CAMKMT: variants seen among roughly 807,000 people sequenced by gnomAD.
CAMKMT encodes CaM KMT.
In CAMKMT, 53 loss-of-function variants were observed where a neutral mutation model predicts 48.0. That is an observed-to-expected ratio of 1.10 (90% CI 0.89 to 1.39). The LOEUF (loss-of-function observed/expected upper bound fraction) is 1.39. Among genes scored for constraint, CAMKMT ranks in the 40% most tolerant of loss-of-function variants. The pLI is 0.00. For synonymous variants in CAMKMT, 165 were observed against 152.3 expected, an observed-to-expected ratio of 1.08 and a Z score of -0.61; for missense variants, 428 against 402.7, an observed-to-expected ratio of 1.06 and a Z score of -0.54.
At chr2:44,704,389 G>T in intron 4 of CAMKMT, 46 bp downstream of exon 4, 3 of 1,250,824 alleles carry the variant, frequency 2.4e-6, no homozygotes, top group South Asian at 3.2e-5. Context: ...CACGGATATT[G>T]AATCAACATA....
chr2:44,757,018 C>G (rs1299223212), intron 9 of CAMKMT, among the ~76,000 whole-genome samples: 1 of 152,198 alleles, frequency 6.6e-6, no homozygotes, highest in East Asian at 1.9e-4. Context: ...CCTGCATTTC[C>G]TCACGTGTCA....
intron 3 of CAMKMT, among the ~76,000 whole-genome samples, chr2:44,652,473 TGACAACCCCTCTG>T (rs940770142): frequency 6.6e-6 from 1 of 152,190 alleles, no homozygotes; most frequent in African/African-American, 2.4e-5. Flanking sequence ...TAACCAGGGA[TGACAACCCCTCTG>T]GGGTCTCCAC....
At chr2:44,526,695 C>T (rs1180543776) in intron 3 of CAMKMT, among the ~76,000 whole-genome samples, 1 of 152,146 alleles carries the variant, frequency 6.6e-6, no homozygotes, top group East Asian at 1.9e-4. Flanking sequence ...ATGATGCCCA[C>T]CTACACTGGC....
intron 3 of CAMKMT, among the ~76,000 whole-genome samples, chr2:44,460,584 C>T (rs1441286484): frequency 6.6e-6 from 1 of 152,064 alleles, no homozygotes; most frequent in Non-Finnish European, 1.5e-5. Context: ...TTGTTGAGCA[C>T]CCATTTATTT....
At chr2:44,697,564 C>G (rs1677023998) in intron 3 of CAMKMT, among the ~76,000 whole-genome samples, 1 of 151,866 alleles carries the variant, frequency 6.6e-6, no homozygotes, top group Admixed American at 6.6e-5. Context: ...TTTATAAACT[C>G]CAGAGAAAAC....
At chr2:44,540,720 C>G (rs901365640) in intron 3 of CAMKMT, among the ~76,000 whole-genome samples, 1 of 152,204 alleles carries the variant, frequency 6.6e-6, no homozygotes, top group Non-Finnish European at 1.5e-5. Context: ...CACTGCACTC[C>G]AGCCTGGGCA....
chr2:44,362,215 G>T, intron 1 of CAMKMT, 70 bp downstream of exon 1: 1 of 1,316,762 alleles, frequency 7.6e-7, no homozygotes. Context: ...GGGAGCGACT[G>T]TTCGCAGTTC....
intron 3 of CAMKMT, among the ~76,000 whole-genome samples, chr2:44,584,911 C>T (rs773217716): frequency 4.1e-4 from 63 of 151,808 alleles, no homozygotes; most frequent in South Asian, 6.3e-4. Context: ...AAAAATTATC[C>T]GGGCGTGGTG....
chr2:44,708,137 C>T (rs555310914), intron 6 of CAMKMT, among the ~76,000 whole-genome samples: 3 of 145,792 alleles, frequency 2.1e-5, no homozygotes, highest in East Asian at 4.1e-4. Context: ...CTTTAGCAGT[C>T]GAGCTGATTT....
chr2:44,738,611 C>G (rs1010738432), intron 7 of CAMKMT, among the ~76,000 whole-genome samples: 3 of 152,150 alleles, frequency 2.0e-5, no homozygotes, highest in Non-Finnish European at 4.4e-5. Flanking sequence ...AGGGACTATT[C>G]TAGACATTGG....
intron 2 of CAMKMT, among the ~76,000 whole-genome samples, chr2:44,381,265 A>T (rs1680215484): frequency 6.6e-6 from 1 of 152,212 alleles, no homozygotes; most frequent in Non-Finnish European, 1.5e-5. Flanking sequence ...ACATGTACTT[A>T]ACTTCTATTA....
chr2:44,727,163 T>G (rs1366473772), intron 7 of CAMKMT, among the ~76,000 whole-genome samples: 1 of 152,178 alleles, frequency 6.6e-6, no homozygotes, highest in East Asian at 1.9e-4. Context: ...AAGAATGACA[T>G]TGGTAGTTTA....
chr2:44,450,921 A>G (rs1171455743), intron 3 of CAMKMT, among the ~76,000 whole-genome samples: 2 of 152,080 alleles, frequency 1.3e-5, no homozygotes, highest in African/African-American at 4.8e-5. Flanking sequence ...TGCTTTGCCT[A>G]TTGTTTTCCA....
At chr2:44,537,207 A>G (rs572945929) in intron 3 of CAMKMT, among the ~76,000 whole-genome samples, 2 of 152,312 alleles carry the variant, frequency 1.3e-5, no homozygotes, top group South Asian at 2.1e-4. Context: ...AAAGGAAACA[A>G]TCAACAGAAT....
intron 3 of CAMKMT, among the ~76,000 whole-genome samples, chr2:44,593,736 TG>T (rs1670461791): frequency 6.6e-6 from 1 of 150,800 alleles, no homozygotes; most frequent in African/African-American, 2.4e-5. Flanking sequence ...GAAGTCTCCC[TG>T]GGGAATTTTT....
chr2:44,682,706 G>C (rs1432752862), intron 3 of CAMKMT, among the ~76,000 whole-genome samples: 1 of 152,164 alleles, frequency 6.6e-6, no homozygotes, highest in African/African-American at 2.4e-5. Flanking sequence ...TCCTGTTCCT[G>C]AGTGCAGAGA....
At chr2:44,532,888 C>G (rs1053122233) in intron 3 of CAMKMT, among the ~76,000 whole-genome samples, 1 of 151,844 alleles carries the variant, frequency 6.6e-6, no homozygotes, top group Non-Finnish European at 1.5e-5. Context: ...TCACAGCTCA[C>G]TGCAACCTCC....
At chr2:44,367,729 G>A (rs1678753990) in intron 1 of CAMKMT, among the ~76,000 whole-genome samples, 1 of 152,208 alleles carries the variant, frequency 6.6e-6, no homozygotes, top group African/African-American at 2.4e-5. Context: ...TGAAGAGCCT[G>A]TTATACTACT....
chr2:44,445,036 C>T (rs115289906), intron 3 of CAMKMT, among the ~76,000 whole-genome samples: 2,590 of 152,268 alleles, frequency 0.017, 72 homozygotes, highest in African/African-American at 0.059. Flanking sequence ...GGTTAAAAGG[C>T]ACAGTGCAGG....
Sources: gnomAD v4.1 joint callset for allele counts (sites outside exome capture counted in the v4.1 genomes callset) on GRCh38, gnomAD v4.1.1 for gene constraint, MANE v1.5 for transcripts, NCBI Gene and HGNC (gene_info 2026-07-23, HGNC 2026-07-21) for gene names.